Variants in ABTB3 observed in about 807,000 individuals in gnomAD.
The protein encoded by ABTB3 is ankyrin repeat- and BTB/POZ domain-containing protein 3.
chr12:107,531,074 G>C, the ABTB3 span, among the ~76,000 whole-genome samples: 1 of 152,174 alleles, frequency 6.6e-6, no homozygotes, highest in Admixed American at 6.5e-5. Context: ...CTGTAACCTT[G>C]GGCCTGTTTT....
the ABTB3 span, among the ~76,000 whole-genome samples, chr12:107,398,858 A>G: frequency 6.6e-6 from 1 of 152,196 alleles, no homozygotes; most frequent in Admixed American, 6.5e-5. Flanking sequence ...GAATCAGTAC[A>G]ATCAGTAAAC....
the ABTB3 span, among the ~76,000 whole-genome samples, chr12:107,369,916 C>T: frequency 6.6e-6 from 1 of 151,862 alleles, no homozygotes; most frequent in African/African-American, 2.4e-5. Flanking sequence ...TCAGAGGAAC[C>T]CAGGCTTGTT....
chr12:107,643,575 C>T, the ABTB3 span, among the ~76,000 whole-genome samples: 4 of 151,970 alleles, frequency 2.6e-5, no homozygotes, highest in African/African-American at 9.7e-5. Context: ...CCCTCCCCAC[C>T]ATTTTCTACT....
At chr12:107,640,887 T>G in the ABTB3 span, among the ~76,000 whole-genome samples, 1 of 152,220 alleles carries the variant, frequency 6.6e-6, no homozygotes. Context: ...CCCTTTCTTC[T>G]CATTTTGAGT....
chr12:107,479,237 T>A, the ABTB3 span, among the ~76,000 whole-genome samples: 1 of 152,078 alleles, frequency 6.6e-6, no homozygotes, highest in African/African-American at 2.4e-5. Flanking sequence ...CCTCTGTGGC[T>A]TTTGCCACTG....
the ABTB3 span, among the ~76,000 whole-genome samples, chr12:107,458,912 A>G: frequency 6.6e-6 from 1 of 152,098 alleles, no homozygotes; most frequent in South Asian, 2.1e-4. Context: ...CAGGCATGGG[A>G]ATAGGTGTTG....
chr12:107,535,559 A>G, the ABTB3 span, among the ~76,000 whole-genome samples: 1 of 152,210 alleles, frequency 6.6e-6, no homozygotes, highest in Admixed American at 6.5e-5. Flanking sequence ...TGAGTAACAA[A>G]TTCAGTAAAG....
At chr12:107,350,252 G>T in the ABTB3 span, among the ~76,000 whole-genome samples, 11 of 152,064 alleles carry the variant, frequency 7.2e-5, no homozygotes, top group Non-Finnish European at 1.5e-4. Context: ...AGATAAAATG[G>T]TAAGAGTTCA....
chr12:107,445,538 G>A, the ABTB3 span, among the ~76,000 whole-genome samples: 1 of 152,158 alleles, frequency 6.6e-6, no homozygotes, highest in African/African-American at 2.4e-5. Context: ...CACCTCTAAT[G>A]TATTAATACA....
At chr12:107,348,240 AATAT>A in the ABTB3 span, among the ~76,000 whole-genome samples, 1 of 151,948 alleles carries the variant, frequency 6.6e-6, no homozygotes, top group African/African-American at 2.4e-5. Context: ...TGTATATAGA[AATAT>A]ATATATACAC....
At chr12:107,436,360 AC>A in the ABTB3 span, among the ~76,000 whole-genome samples, 1 of 152,168 alleles carries the variant, frequency 6.6e-6, no homozygotes, top group East Asian at 1.9e-4. Context: ...GGCCTAATCA[AC>A]CCATGCTGGG....
chr12:107,340,201 G>T, the ABTB3 span, among the ~76,000 whole-genome samples: 1 of 152,132 alleles, frequency 6.6e-6, no homozygotes. Context: ...TGTTGGAGTT[G>T]ATAATTTTTG....
the ABTB3 span, among the ~76,000 whole-genome samples, chr12:107,548,995 T>C: frequency 6.6e-6 from 1 of 152,200 alleles, no homozygotes; most frequent in Non-Finnish European, 1.5e-5. Context: ...ACTAGACAAT[T>C]AAGTAGTTCT....
the ABTB3 span, among the ~76,000 whole-genome samples, chr12:107,472,068 A>G: frequency 6.6e-6 from 1 of 152,112 alleles, no homozygotes; most frequent in African/African-American, 2.4e-5. Flanking sequence ...ATCAGGGAGG[A>G]TACTGGGGAC....
At chr12:107,392,777 G>C in the ABTB3 span, among the ~76,000 whole-genome samples, 43,194 of 152,128 alleles carry the variant, frequency 0.28, 6,353 homozygotes, top group Admixed American at 0.35. Context: ...ACTAAGCCTG[G>C]TGTTGTGTAC....
At chr12:107,516,035 ATG>A in the ABTB3 span, among the ~76,000 whole-genome samples, 166 of 124,872 alleles carry the variant, frequency 1.3e-3, no homozygotes, top group East Asian at 3.0e-3. Context: ...GTGTGTGTGC[ATG>A]TGTGTGTGTG....
the ABTB3 span, among the ~76,000 whole-genome samples, chr12:107,378,645 C>G: frequency 6.6e-6 from 1 of 152,138 alleles, no homozygotes; most frequent in Non-Finnish European, 1.5e-5. Flanking sequence ...GCCCTCATTC[C>G]CCTTGAGCTG....
chr12:107,403,690 G>A, the ABTB3 span, among the ~76,000 whole-genome samples: 1 of 152,064 alleles, frequency 6.6e-6, no homozygotes, highest in Non-Finnish European at 1.5e-5. Context: ...AGACCAAATG[G>A]TCAGGGAACA....
chr12:107,322,267 C>T, the ABTB3 span, among the ~76,000 whole-genome samples: 1 of 152,126 alleles, frequency 6.6e-6, no homozygotes, highest in African/African-American at 2.4e-5. Flanking sequence ...ACAACCTCTC[C>T]CACACCACAG....
Sources: gnomAD v4.1 joint callset for allele counts (sites outside exome capture counted in the v4.1 genomes callset) on GRCh38, gnomAD v4.1.1 for gene constraint, MANE v1.5 for transcripts, NCBI Gene and HGNC (gene_info 2026-07-23, HGNC 2026-07-21) for gene names.